KIAA1328: variants seen among roughly 807,000 people sequenced by gnomAD.
KIAA1328 encodes protein hinderin.
In KIAA1328, 52 loss-of-function variants were observed where a neutral mutation model predicts 68.1. The observed-to-expected ratio is 0.76, with a 90% confidence interval of 0.61 to 0.96. KIAA1328 has a LOEUF of 0.96. Among genes scored for constraint, KIAA1328 ranks in the 40% least tolerant of loss-of-function variants. The probability of loss-of-function intolerance (pLI) is 0.00; values close to 1 mark genes in which losing one functional copy is unlikely to be tolerated. For synonymous variants in KIAA1328, 232 were observed against 239.4 expected (o/e 0.97, Z 0.28); for missense variants, 641 against 677.6 (o/e 0.95, Z 0.60).
At chr18:37,205,781 A>G (rs930053226) in intron 9 of KIAA1328, among the ~76,000 whole-genome samples, 1 of 152,224 alleles carries the variant, frequency 6.6e-6, no homozygotes, top group African/African-American at 2.4e-5. Context: ...CCAAATGTTA[A>G]TGTTTCAAGC....
chr18:37,000,426 C>T lies in KIAA1328; in HGVS notation c.576+40991C>T, dbSNP rs186218961. ...AGTAAAAGTGGGGGACTTCAACACC[C>T]CACTCTCAGCATTAGATCATCAAGA... On this transcript the variant is annotated intron_variant, in intron 6 of 9. Transcript: ENST00000280020. Among the ~76,000 whole-genome samples the T allele has an allele frequency of 3.4e-4, 51 of 152,080 alleles. No homozygotes were observed. In the East Asian group the frequency reaches 7.5e-3, roughly 22 times the overall value.
intron 7 of KIAA1328, among the ~76,000 whole-genome samples, chr18:37,089,291 T>C (rs1182241718): frequency 6.6e-6 from 1 of 152,088 alleles, no homozygotes; most frequent in Admixed American, 6.6e-5. Flanking sequence ...GCATTTCTTT[T>C]ATAGTCCTTA....
At chr18:37,100,075 C>A (rs2057553527) in intron 7 of KIAA1328, among the ~76,000 whole-genome samples, 2 of 152,044 alleles carry the variant, frequency 1.3e-5, no homozygotes, top group Admixed American at 6.5e-5. Flanking sequence ...GCCCTCCAGT[C>A]TACAGCTCCC....
intron 6 of KIAA1328, among the ~76,000 whole-genome samples, chr18:36,966,090 A>G (rs560241425): frequency 6.6e-6 from 1 of 152,324 alleles, no homozygotes; most frequent in East Asian, 1.9e-4. Flanking sequence ...AGATTTCTCA[A>G]CAGAAACAAT....
chr18:37,098,238 G>A (rs950139631), intron 7 of KIAA1328, among the ~76,000 whole-genome samples: 1 of 152,190 alleles, frequency 6.6e-6, no homozygotes, highest in Non-Finnish European at 1.5e-5. Context: ...ATTATTTTGA[G>A]ATATGTCCCA....
At chr18:36,829,368 A>T in intron 1 of KIAA1328, 172 bp downstream of exon 1, 1 of 1,377,908 alleles carries the variant, frequency 7.3e-7, no homozygotes, top group Non-Finnish European at 9.3e-7. Context: ...CTTGGGTGTT[A>T]GGTGGCCGAG....
chr18:37,150,902 C>G (rs1436031588), intron 7 of KIAA1328, among the ~76,000 whole-genome samples: 1 of 152,064 alleles, frequency 6.6e-6, no homozygotes, highest in Non-Finnish European at 1.5e-5. Context: ...CTTTTAGGAA[C>G]AGGGTAAAGA....
rs777464467 is a variant in KIAA1328, at chr18:37,067,478, G to A, written c.1165G>A (p.Ala389Thr). 4.5e-6 allele frequency: 7 copies of A among 1,553,976 alleles called. No homozygotes were observed. Among genetic ancestry groups the A allele is most frequent in the Non-Finnish European group, 6.1e-6 (7 of 1,150,806 alleles). Reference sequence around the variant, plus strand: ...AAAGGAGCGCCTTCAGCATCTGCTGGCCCAGCAGGAGACAAAGCTTCTTCT... The same window carrying A: ...AAAGGAGCGCCTTCAGCATCTGCTGACCCAGCAGGAGACAAAGCTTCTTCT... ...IEKERLQHLL[A>T]QQETKLLLKQ... Residue 389 changes from alanine to threonine, a missense_variant, in exon 7 of 10, where the codon GCC (alanine) becomes ACC (threonine). Transcript: ENST00000280020.
chr18:37,065,633 C>G (rs1401281463), intron 6 of KIAA1328, among the ~76,000 whole-genome samples: 2 of 152,118 alleles, frequency 1.3e-5, no homozygotes, highest in East Asian at 3.8e-4. Flanking sequence ...AGAGTCTGAT[C>G]GTTAGCTGGA....
intron 5 of KIAA1328, chr18:36,895,652 C>T (rs2048844253): frequency 2.4e-6 from 1 of 423,470 alleles, no homozygotes; most frequent in Non-Finnish European, 4.7e-6. Context: ...GGTTCGTTTG[C>T]TTATGTATTT....
intron 6 of KIAA1328, among the ~76,000 whole-genome samples, chr18:37,019,401 G>A (rs949770775): frequency 1.3e-5 from 2 of 152,204 alleles, no homozygotes; most frequent in Non-Finnish European, 2.9e-5. Flanking sequence ...CAATGAGCTG[G>A]TTCATGGAAT....
intron 6 of KIAA1328, chr18:37,063,431 C>T (rs1311193849): frequency 6.4e-6 from 1 of 155,290 alleles, no homozygotes; most frequent in Non-Finnish European, 1.4e-5. Context: ...AACTCAAAGT[C>T]AACTGATTAG....
chr18:36,847,395 A>T, intron 4 of KIAA1328, among the ~76,000 whole-genome samples: 1 of 151,536 alleles, frequency 6.6e-6, no homozygotes, highest in Non-Finnish European at 1.5e-5. Flanking sequence ...ATTATTCTGT[A>T]TACTCACCAA....
rs374616219 is a variant in KIAA1328 at position 36,926,054 on chromosome 18, T to C, written c.449-33254T>C. On this transcript the variant is annotated intron_variant, in intron 5 of 9. Transcript: ENST00000280020. ...ACCTTCAGATTTTGTAACTTTTGAG[T>C]GCAGGTCTTCTGAGAATGGGGCTTT... Among the ~76,000 whole-genome samples the C allele has an allele frequency of 2.6e-4, 39 of 152,168 alleles. No individual in the cohort carries two copies. The East Asian group carries it at 7.3e-3, about 29-fold the overall frequency.
At chr18:36,986,719 A>C (rs2151392193) in intron 6 of KIAA1328, among the ~76,000 whole-genome samples, 1 of 2,236 alleles carries the variant, frequency 4.5e-4, no homozygotes, top group East Asian at 7.7e-3. Flanking sequence ...ATGCAGCCAA[A>C]AAACACATGA....
At chr18:37,177,791 A>T (rs2059623319) in intron 9 of KIAA1328, among the ~76,000 whole-genome samples, 1 of 151,922 alleles carries the variant, frequency 6.6e-6, no homozygotes, top group Non-Finnish European at 1.5e-5. Context: ...ACTTTGAGGG[A>T]CTTGATAAAT....
At chr18:36,878,116 T>G (rs1003841113) in intron 4 of KIAA1328, among the ~76,000 whole-genome samples, 2 of 152,136 alleles carry the variant, frequency 1.3e-5, no homozygotes, top group Non-Finnish European at 2.9e-5. Context: ...GGTCTTCACA[T>G]TTTGGTATGT....
chr18:37,157,660 A>G (rs1390202816), intron 7 of KIAA1328, among the ~76,000 whole-genome samples: 2 of 151,878 alleles, frequency 1.3e-5, no homozygotes, highest in African/African-American at 4.8e-5. Flanking sequence ...AAATACAAAA[A>G]TTAGCCGGAC....
chr18:36,859,924 CT>C (rs149471340), intron 4 of KIAA1328, among the ~76,000 whole-genome samples: 5,345 of 136,416 alleles, frequency 0.039, 193 homozygotes, highest in African/African-American at 0.097. Context: ...TTTTCATTTC[CT>C]TTTTTTTTTA....
Sources: gnomAD v4.1 joint callset for allele counts (sites outside exome capture counted in the v4.1 genomes callset) on GRCh38, gnomAD v4.1.1 for gene constraint, MANE v1.5 for transcripts, NCBI Gene and HGNC (gene_info 2026-07-23, HGNC 2026-07-21) for gene names.